SEMA6D: variants seen among roughly 807,000 people sequenced by gnomAD.
SEMA6D encodes the protein semaphorin 6D.
SEMA6D carries 35 observed loss-of-function variants against 106.6 expected under a neutral mutation model. That is an observed-to-expected ratio of 0.33 (90% CI 0.25 to 0.44). The LOEUF (loss-of-function observed/expected upper bound fraction) is 0.44, where lower values mean the gene tolerates loss of function less well. Among genes scored for constraint, SEMA6D ranks in the 20% least tolerant of loss-of-function variants. The pLI is 1.00. For missense variants in SEMA6D, 1,185 were observed against 1,345.9 expected, an observed-to-expected ratio of 0.88 and a Z score of 1.87; for synonymous variants, 499 against 487.7, an observed-to-expected ratio of 1.02 and a Z score of -0.31.
At chr15:47,285,566 G>T (rs1274426722) in intron 1 of SEMA6D, among the ~76,000 whole-genome samples, 1 of 151,798 alleles carries the variant, frequency 6.6e-6, no homozygotes, top group Admixed American at 6.6e-5. Context: ...AACCCCTGTT[G>T]TTTATCATCT....
In SEMA6D at chr15:47,246,780, G is replaced by T. The variant is rs962877937; in HGVS notation, c.-239+62362G>T. 3.3e-5 allele frequency among the ~76,000 whole-genome samples: 5 copies of T among 152,236 alleles called. No individual in the cohort carries two copies. The South Asian group carries it at 1.0e-3, about 32-fold the overall frequency. The stretch of plus-strand genomic sequence containing the variant: ...TAACTCTAATCACATCTGCAAAGTT[G>T]CTTTTGCCATTCTGAGAATCAGGGC... On this transcript the variant is annotated intron_variant, in intron 1 of 19. Transcript: ENST00000558014.
chr15:47,730,767 C>G, intron 1 of SEMA6D: 1 of 1,597,900 alleles, frequency 6.3e-7, no homozygotes, highest in Non-Finnish European at 8.5e-7. Context: ...TATAGTGGGG[C>G]CATTTCACAA....
At chr15:47,256,732 G>A (rs966057970) in intron 1 of SEMA6D, among the ~76,000 whole-genome samples, 2 of 152,016 alleles carry the variant, frequency 1.3e-5, no homozygotes, top group Admixed American at 6.6e-5. Flanking sequence ...GGTGGTGCAC[G>A]CCTATAATCC....
chr15:47,371,966 G>A (rs905816036), intron 1 of SEMA6D, among the ~76,000 whole-genome samples: 1 of 152,190 alleles, frequency 6.6e-6, no homozygotes, highest in African/African-American at 2.4e-5. Flanking sequence ...ACGTGTTTAA[G>A]GTCACACAAC....
At chr15:47,515,412 C>A (rs1287714531) in intron 3 of SEMA6D, among the ~76,000 whole-genome samples, 1 of 152,146 alleles carries the variant, frequency 6.6e-6, no homozygotes, top group Admixed American at 6.5e-5. Context: ...AAAGTCAACT[C>A]CACCAGGACA....
At chr15:47,196,574 A>C (rs1204765837) in intron 1 of SEMA6D, among the ~76,000 whole-genome samples, 1 of 152,214 alleles carries the variant, frequency 6.6e-6, no homozygotes, top group Non-Finnish European at 1.5e-5. Flanking sequence ...TTTGGTTCTG[A>C]AATAATATTC....
At chr15:47,190,563 C>T (rs1265519645) in intron 1 of SEMA6D, among the ~76,000 whole-genome samples, 1 of 152,052 alleles carries the variant, frequency 6.6e-6, no homozygotes, top group East Asian at 1.9e-4. Flanking sequence ...ATTCCATGTC[C>T]GTGTCTCCCT....
chr15:47,331,183 C>T (rs2144090267), intron 1 of SEMA6D, among the ~76,000 whole-genome samples: 1 of 152,258 alleles, frequency 6.6e-6, no homozygotes. Context: ...ATAAATGTTA[C>T]CTCAATAGTC....
At chr15:47,555,746 T>TGCA (rs1232080997) in intron 3 of SEMA6D, among the ~76,000 whole-genome samples, 3 of 152,200 alleles carry the variant, frequency 2.0e-5, no homozygotes, top group African/African-American at 7.2e-5. Flanking sequence ...TTAATAGCAC[T>TGCA]GCAAGGTCTA....
At chr15:47,219,437 C>T (rs2030981983) in intron 1 of SEMA6D, among the ~76,000 whole-genome samples, 1 of 152,128 alleles carries the variant, frequency 6.6e-6, no homozygotes, top group South Asian at 2.1e-4. Flanking sequence ...GAATGGGTTT[C>T]TTATTGCCTT....
Position 47,646,135 on chromosome 15 carries a change from G to T in SEMA6D, c.-55+45239G>T, listed in dbSNP as rs1267353442. On this transcript the variant is annotated intron_variant, in intron 4 of 19. Coordinates refer to the SEMA6D transcript ENST00000558014. ...CTTCTATCCTCCCCAGAGGTTGGAG[G>T]GTGGGGCCAATAGTCCCAACCCTCT... 2.0e-5 allele frequency among the ~76,000 whole-genome samples: 3 copies of T among 152,046 alleles called. No homozygotes were observed. The East Asian group carries it at 5.8e-4, about 29-fold the overall frequency.
At chr15:47,293,401 G>A (rs1036997865) in intron 1 of SEMA6D, among the ~76,000 whole-genome samples, 4 of 152,138 alleles carry the variant, frequency 2.6e-5, no homozygotes, top group African/African-American at 7.2e-5. Flanking sequence ...ACAATTGTGC[G>A]TTGTTGCATT....
chr15:47,430,431 G>C (rs2041484486), intron 2 of SEMA6D, among the ~76,000 whole-genome samples: 1 of 151,650 alleles, frequency 6.6e-6, no homozygotes. Context: ...CATCTTATCA[G>C]ACTGGGGGCA....
intron 4 of SEMA6D, among the ~76,000 whole-genome samples, chr15:47,692,483 T>C (rs2078609834): frequency 6.6e-6 from 1 of 152,122 alleles, no homozygotes; most frequent in African/African-American, 2.4e-5. Context: ...GCTTAAAAAA[T>C]CCCTAAGCAT....
intron 1 of SEMA6D, among the ~76,000 whole-genome samples, chr15:47,292,287 A>G (rs2035621518): frequency 6.6e-6 from 1 of 152,194 alleles, no homozygotes; most frequent in Admixed American, 6.5e-5. Flanking sequence ...GCAGAAAAAA[A>G]GAAACCTGTA....
chr15:47,295,727 T>TTG (rs2035778243), intron 1 of SEMA6D, among the ~76,000 whole-genome samples: 1 of 152,232 alleles, frequency 6.6e-6, no homozygotes, highest in Non-Finnish European at 1.5e-5. Context: ...GATACAAACA[T>TTG]AATCAGAGTT....
chr15:47,654,179 T>C (rs2145035151), intron 4 of SEMA6D, among the ~76,000 whole-genome samples: 1 of 152,330 alleles, frequency 6.6e-6, no homozygotes, highest in African/African-American at 2.4e-5. Flanking sequence ...AATTCAGTGG[T>C]GCTAGATCAC....
chr15:47,287,491 C>A (rs1220189379), intron 1 of SEMA6D, among the ~76,000 whole-genome samples: 1 of 152,172 alleles, frequency 6.6e-6, no homozygotes, highest in Admixed American at 6.5e-5. Context: ...TCTTCACCTG[C>A]CCCTGCTGTC....
chr15:47,313,856 G>T (rs1442604480), intron 1 of SEMA6D, among the ~76,000 whole-genome samples: 1 of 152,208 alleles, frequency 6.6e-6, no homozygotes, highest in African/African-American at 2.4e-5. Context: ...AAGCCACCAT[G>T]CCAGGCCCAA....
Sources: allele counts gnomAD v4.1 joint callset (sites outside exome capture counted in the v4.1 genomes callset), GRCh38; gene constraint gnomAD v4.1.1; transcripts MANE v1.5; gene names NCBI Gene and HGNC (gene_info 2026-07-23, HGNC 2026-07-21).